IRF9: variants seen among roughly 807,000 people sequenced by gnomAD.
The protein encoded by IRF9 is IFN-alpha-responsive transcription factor subunit.
A neutral mutation model predicts 44.1 loss-of-function variants in IRF9; 13 were observed. The ratio of observed to expected loss-of-function variants is 0.29; its 90% CI spans 0.19 to 0.47. IRF9 has a LOEUF of 0.47. IRF9 is among the 20% of genes least tolerant of loss of function. The probability of loss-of-function intolerance (pLI) is 1.00; values close to 1 mark genes in which losing one functional copy is unlikely to be tolerated. For synonymous variants in IRF9, 189 were observed against 188.5 expected (o/e 1.00, Z -0.02); for missense variants, 373 against 496.1 (o/e 0.75, Z 2.36).
Position 24,163,102 on chromosome 14 carries a change from C to T in IRF9, c.317C>T (p.Ala106Val), listed in dbSNP as rs925633194. 3 of 1,614,212 alleles carry T rather than the reference C, an allele frequency of 1.9e-6. No individual in the cohort carries two copies. The highest frequency in any genetic ancestry group is 2.7e-5 in the African/African-American group (2 of 75,060). ...CCTGAGAGGGGCCGCATGGATGTTG[C>T]TGAGCCCTACAAGGTGTATCAGTTG... ...EVPERGRMDV[A>V]EPYKVYQLLP... Residue 106 changes from alanine (A) to valine (V), a missense_variant, in exon 3 of 9, where the codon GCT (alanine) becomes GTT (valine). Transcript: ENST00000396864.
Position 24,165,007 on chromosome 14 carries a change from C to A in IRF9, c.991+52C>A, listed in dbSNP as rs1440760536. 2.6e-6 allele frequency: 4 copies of A among 1,552,682 alleles called. No individual in the cohort carries two copies. In the African/African-American group the frequency reaches 4.1e-5, roughly 16 times the overall value. On this transcript the variant is annotated intron_variant, in intron 7 of 8. Transcript: ENST00000396864. Reference sequence around the variant, plus strand: ...AGCTTCCACCCCCTACCTCTTAGTACCCCCTGGGCCCAACTTGTTGGGTCC... The same window carrying A: ...AGCTTCCACCCCCTACCTCTTAGTAACCCCTGGGCCCAACTTGTTGGGTCC...
At chr14:24,163,796 C>T in intron 4 of IRF9, 82 bp from the exon 5 acceptor site, 1 of 1,387,460 alleles carries the variant, frequency 7.2e-7, no homozygotes, top group South Asian at 1.3e-5. Context: ...GAGATCGCGC[C>T]ACTGCACTCC....
In IRF9 at chr14:24,163,908, C is replaced by T. The variant is rs1294955435; in HGVS notation, c.526C>T (p.His176Tyr). Residue 176 changes from histidine to tyrosine, a missense_variant, in exon 5 of 9, where the codon CAT becomes TAT. Around this residue, in one of 2 missense-constraint regions of IRF9, gnomAD observed 227 missense variants for 255.3 expected, o/e 0.89. Coordinates refer to ENST00000396864, the MANE Select transcript of IRF9 (RefSeq NM_006084.5). Reference protein sequence around the residue: ...EEEGASGGAVHSDIGSSSSSS... With the variant: ...EEEGASGGAVYSDIGSSSSSS... The stretch of plus-strand genomic sequence containing the variant: ...GGAGGGGGCCAGTGGGGGAGCAGTC[C>T]ATTCAGACATTGGGAGCAGCAGCAG... The T allele has an allele frequency of 1.2e-6, 2 of 1,600,624 alleles. No individual in the cohort carries two copies. The highest frequency in any genetic ancestry group is 2.2e-5 in the South Asian group (2 of 89,142).
rs752191325 is a variant in IRF9 at position 24,162,404 on chromosome 14, C to G, written c.180+80C>G. ...TGGTACACTCATCCTCGAGCACTTGCGTCTGCCTGGGTTTCAGATAAGGGA... is the reference window on the plus strand; with the variant it reads ...TGGTACACTCATCCTCGAGCACTTGGGTCTGCCTGGGTTTCAGATAAGGGA... On this transcript the variant is annotated intron_variant, in intron 2 of 8. Transcript: ENST00000396864. 1.4e-4 allele frequency: 187 copies of G among 1,384,782 alleles called. 2 individuals carry two copies. Among genetic ancestry groups the G allele is most frequent in the Non-Finnish European group, 1.4e-4 (142 of 1,007,662 alleles). 85.8% of individuals were successfully genotyped at this position (1,384,782 alleles called of 1,614,324 possible).
intron 1 of IRF9, among the ~76,000 whole-genome samples, chr14:24,161,835 C>T (rs960093477): frequency 2.6e-5 from 4 of 152,204 alleles, no homozygotes; most frequent in Non-Finnish European, 4.4e-5. Context: ...CTTTTGTAAA[C>T]AATACATCTC....
intron 2 of IRF9, 124 bp from the exon 3 acceptor site, chr14:24,162,842 C>A: frequency 4.2e-6 from 3 of 719,034 alleles, no homozygotes; most frequent in South Asian, 2.0e-5. Context: ...GATGGCAACG[C>A]AGAGCACAGA....
At chr14:24,162,797 C>CA (rs373571727) in intron 2 of IRF9, 169 bp from the exon 3 acceptor site, 31,550 of 447,320 alleles carry the variant, frequency 0.071, 29 homozygotes, top group East Asian at 0.078. Flanking sequence ...GACTCTGTCT[C>CA]AAAAAAAAAA....
At chr14:24,161,932 TTTGTTG>T (rs139762911) in intron 1 of IRF9, among the ~76,000 whole-genome samples, 1,917 of 151,936 alleles carry the variant, frequency 0.013, 39 homozygotes, top group African/African-American at 0.043. Flanking sequence ...TTTGGGGGGT[TTTGTTG>T]TTGTTGTTGT....
At chr14:24,165,023 T>C in intron 7 of IRF9, 68 bp downstream of exon 7, 4 of 1,398,678 alleles carry the variant, frequency 2.9e-6, no homozygotes, top group Non-Finnish European at 4.0e-6. Flanking sequence ...GGGCCCAACT[T>C]GTTGGGTCCT....
chr14:24,164,441 G>T lies in IRF9; in HGVS notation c.650-173G>T. The T allele has an allele frequency of 1.5e-6, 1 of 662,382 alleles. No individual in the cohort carries two copies. The allele number at this position is 662,382 out of a possible 1,614,324, so 41.0% of individuals were successfully genotyped here. On this transcript the variant is annotated intron_variant, in intron 6 of 8. Transcript: ENST00000396864. The surrounding 1 kb of genome is among the most constrained non-coding windows in gnomAD (Gnocchi z 5.2). ...TAAACTACAAGCCCCTGGGCATTGA[G>T]CCCTGAGGCCTCATGGTGAATCACA...
intron 1 of IRF9, 75 bp from the exon 2 acceptor site, chr14:24,162,069 C>A: frequency 7.0e-7 from 1 of 1,419,596 alleles, no homozygotes; most frequent in Non-Finnish European, 9.7e-7. Context: ...AATCTAGTCT[C>A]AATGGCCAGG....
chr14:24,164,909 C>T lies in IRF9; in HGVS notation c.945C>T (p.Pro315=), dbSNP rs1433860186. Residue 315 remains proline, a synonymous_variant, in exon 7 of 9, where the codon CCC becomes CCT. Transcript: ENST00000396864. The surrounding 1 kb of genome is among the most constrained non-coding windows in gnomAD (Gnocchi z 5.2). ...APPGPGPHLL[P]SNECVELFRT... ...CTGGGCCAGGCCCGCATCTGCTGCC[C>T]AGCAACGAGTGCGTGGAGCTCTTCA... The T allele has an allele frequency of 1.9e-6, 3 of 1,612,840 alleles. No individual in the cohort carries two copies. The highest frequency in any genetic ancestry group is 2.5e-6 in the Non-Finnish European group (3 of 1,179,894).
At chr14:24,162,037 G>C (rs763477625) in intron 1 of IRF9, 107 bp from the exon 2 acceptor site, 1 of 1,013,440 alleles carries the variant, frequency 9.9e-7, no homozygotes, top group Admixed American at 2.2e-5. Flanking sequence ...AGATGGATGG[G>C]ATCTCTGGGA....
At position 24,162,276 on chromosome 14, in the gene IRF9, T is replaced by A; in HGVS notation, c.132T>A (p.His44Gln). 1 of 1,614,114 alleles carries A rather than the reference T, an allele frequency of 6.2e-7. No individual in the cohort carries two copies. The highest frequency in any genetic ancestry group is 8.5e-7 in the Non-Finnish European group (1 of 1,180,022). Residue 44 changes from histidine (H) to glutamine (Q), a missense_variant, in exon 2 of 9, where the codon CAT becomes CAA. By Grantham distance (24) the His-to-Gln change is conservative. Transcript: ENST00000396864. ...CCATGTTCCGGATTCCCTGGAAACA[T>A]GCAGGCAAGCAGGACTTCCGGGAGG... ...AKTMFRIPWK[H>Q]AGKQDFREDQ...
rs749049284 is a variant in IRF9 at position 24,163,471 on chromosome 14, C to T, written c.458C>T (p.Thr153Ile). The change falls in exon 4 of 9, where the codon ACA becomes ATA. Residue 153 changes from threonine to isoleucine, a missense_variant. Transcript: ENST00000396864. ...GAAGAGGATGCCATGCAGAACTGCA[C>T]ACTCAGTCCCTCTGTGCTCCAGGAC... ...KEEEDAMQNC[T>I]LSPSVLQDSL... The T allele has an allele frequency of 3.2e-5, 51 of 1,614,226 alleles. No homozygotes were observed. The highest frequency in any genetic ancestry group is 1.6e-4 in the Middle Eastern group (1 of 6,062).
rs2038493404 is a variant in IRF9, at chr14:24,164,054, C to T, written c.578-9C>T. Reference sequence around the variant, plus strand: ...CTCTGAATGACCAGTGCCTTTGCTTCCCTTCCAGTTACAGACACAACTGAG... The same window carrying T: ...CTCTGAATGACCAGTGCCTTTGCTTTCCTTCCAGTTACAGACACAACTGAG... On this transcript the variant is annotated splice_polypyrimidine_tract_variant and intron_variant, in intron 5 of 8. Coordinates refer to ENST00000396864, the MANE Select transcript of IRF9 (RefSeq NM_006084.5). This position sits in a 1 kb window ranked among gnomAD's most constrained non-coding sequence, Gnocchi z 5.2. The T allele has an allele frequency of 1.2e-6, 2 of 1,613,974 alleles. No individual in the cohort carries two copies. Among genetic ancestry groups the T allele is most frequent in the African/African-American group, 1.3e-5 (1 of 74,922 alleles).
intron 3 of IRF9, 90 bp from the exon 4 acceptor site, chr14:24,163,288 C>G: frequency 6.4e-7 from 1 of 1,555,500 alleles, no homozygotes; most frequent in South Asian, 1.2e-5. Flanking sequence ...CTTCCTAGAC[C>G]TGCCCATCCT....
rs766438184 is a variant in IRF9 at position 24,164,179 on chromosome 14, G to T, written c.649+45G>T. The T allele has an allele frequency of 6.6e-7, 1 of 1,524,652 alleles. No individual in the cohort carries two copies. The highest frequency in any genetic ancestry group is 9.1e-7 in the Non-Finnish European group (1 of 1,098,662). 94.4% of individuals were successfully genotyped at this position (1,524,652 alleles called of 1,614,324 possible). ...TTCTCCTGTGCCCTGTGCCCCTGAG[G>T]TCTTCCACCTTTGACTATGCATGCA... is the stretch of plus-strand genomic sequence containing the variant. On this transcript the variant is annotated intron_variant, in intron 6 of 8. Transcript: ENST00000396864. The surrounding 1 kb of genome is among the most constrained non-coding windows in gnomAD (Gnocchi z 5.2).
In IRF9 at chr14:24,163,950, C is replaced by T. The variant is rs762156958; in HGVS notation, c.568C>T (p.Pro190Ser). The T allele has an allele frequency of 3.7e-6, 6 of 1,607,576 alleles. No homozygotes were observed. In the South Asian group the frequency reaches 5.5e-5, roughly 15 times the overall value. Residue 190 changes from proline to serine, a missense_variant, in exon 5 of 9, where the codon CCA becomes TCA. Physicochemically the swap from Pro to Ser is moderately conservative, Grantham distance 74. This residue lies in a region of IRF9 where 227 missense variants were observed against 255.3 expected (regional missense o/e 0.89). Transcript: ENST00000396864. ...CAGCAGCAGCAGCAGCAGCCCTGAGCCACAGGAAGGTACCACCTGCCCTGC... is the reference window on the plus strand; with the variant it reads ...CAGCAGCAGCAGCAGCAGCCCTGAGTCACAGGAAGGTACCACCTGCCCTGC... Reference protein sequence around the residue: ...GSSSSSSSPEPQEVTDTTEAP... With the variant: ...GSSSSSSSPESQEVTDTTEAP...
Sources: allele counts gnomAD v4.1 joint callset (sites outside exome capture counted in the v4.1 genomes callset), GRCh38; gene constraint gnomAD v4.1.1; regional missense constraint gnomAD v4.1.1; non-coding constraint Gnocchi (gnomAD v3.1); transcripts MANE v1.5; gene names NCBI Gene and HGNC (gene_info 2026-07-23, HGNC 2026-07-21).